ADAMTSL3: variants seen among roughly 807,000 people sequenced by gnomAD.
ADAMTSL3 encodes ADAMTS-like protein 3.
A neutral mutation model predicts 201.7 loss-of-function variants in ADAMTSL3; 128 were observed. That is an observed-to-expected ratio of 0.63 (90% CI 0.55 to 0.73). The LOEUF (loss-of-function observed/expected upper bound fraction) is 0.73, where lower values mean the gene tolerates loss of function less well. ADAMTSL3 is among the 30% of genes least tolerant of loss of function. The probability of loss-of-function intolerance (pLI) is 0.00; values close to 1 mark genes in which losing one functional copy is unlikely to be tolerated. For missense variants in ADAMTSL3, 1,990 were observed against 2,119.6 expected (o/e 0.94, Z 1.20); for synonymous variants, 738 against 748.4 (o/e 0.99, Z 0.23).
intron 7 of ADAMTSL3, among the ~76,000 whole-genome samples, chr15:83,856,784 G>A (rs923078920): frequency 2.6e-5 from 4 of 152,142 alleles, no homozygotes; most frequent in Admixed American, 2.6e-4. Context: ...ATGTACCAAT[G>A]TCTGTTTGTG....
At position 83,965,814 on chromosome 15, in the gene ADAMTSL3, G is replaced by A. The variant is rs372491141; in HGVS notation, c.2491-4670G>A. Among the ~76,000 whole-genome samples, 10 of 152,000 alleles carry A rather than the reference G, an allele frequency of 6.6e-5. No homozygotes were observed. In the East Asian group the frequency reaches 7.7e-4, roughly 12 times the overall value. On this transcript the variant is annotated intron_variant, in intron 19 of 29. Transcript: ENST00000286744. ...CACTCCTCAGCAAATACAAAAGAGT[G>A]GAAATTTTAACAAACAGTCTCTCAG...
At chr15:83,890,415 A>G (rs1357012295) in intron 11 of ADAMTSL3, among the ~76,000 whole-genome samples, 168 bp downstream of exon 11, 2 of 152,232 alleles carry the variant, frequency 1.3e-5, no homozygotes, top group African/African-American at 2.4e-5. Flanking sequence ...ATTAGGACAC[A>G]TTCATTAGGA....
At chr15:83,753,510 A>G (rs899016011) in intron 3 of ADAMTSL3, among the ~76,000 whole-genome samples, 4 of 152,302 alleles carry the variant, frequency 2.6e-5, no homozygotes, top group African/African-American at 9.6e-5. Flanking sequence ...TGCCCCTAAA[A>G]TGTGGTCTGG....
At chr15:83,859,186 T>C (rs2064804609) in intron 8 of ADAMTSL3, among the ~76,000 whole-genome samples, 1 of 152,220 alleles carries the variant, frequency 6.6e-6, no homozygotes, top group South Asian at 2.1e-4. Context: ...TACTGGAGGC[T>C]ACGCACTGGT....
chr15:83,713,026 G>A lies in ADAMTSL3; in HGVS notation c.189+8518G>A, dbSNP rs950949184. 3.3e-5 allele frequency among the ~76,000 whole-genome samples: 5 copies of A among 152,002 alleles called. 1 individual carries two copies. The highest frequency in any genetic ancestry group is 7.4e-5 in the Non-Finnish European group (5 of 68,014). ...TCTCTTATCTCTCTACTTCTCCCAG[G>A]TGATCAGCCACCTTTCAGCATCTCT... On this transcript the variant is annotated intron_variant, in intron 3 of 29. Transcript: ENST00000286744.
intron 2 of ADAMTSL3, among the ~76,000 whole-genome samples, chr15:83,678,832 AT>A (rs1201526611): frequency 1.4e-5 from 2 of 145,440 alleles, no homozygotes; most frequent in African/African-American, 5.0e-5. Flanking sequence ...ATAAATATAT[AT>A]AAATATATAT....
chr15:83,813,708 C>G (rs906886279), intron 5 of ADAMTSL3, among the ~76,000 whole-genome samples: 1 of 152,146 alleles, frequency 6.6e-6, no homozygotes, highest in African/African-American at 2.4e-5. Flanking sequence ...ACAGAACATG[C>G]CTGGGTACAG....
rs535146382 is a variant in ADAMTSL3, at chr15:83,860,773, A to G, written c.802+1933A>G. 1.6e-4 allele frequency among the ~76,000 whole-genome samples: 24 copies of G among 152,258 alleles called. No homozygotes were observed. In the South Asian group the frequency reaches 4.6e-3, roughly 29 times the overall value. On this transcript the variant is annotated intron_variant, in intron 8 of 29. Coordinates refer to ENST00000286744, the MANE Select transcript of ADAMTSL3 (RefSeq NM_207517.3). ...AAGACGGGTGATTTCTGCATTTCCA[A>G]CTGAGGTACCGGGTTCCTCTCTCTG...
chr15:83,922,560 T>C (rs2141986511), intron 16 of ADAMTSL3, among the ~76,000 whole-genome samples: 1 of 152,320 alleles, frequency 6.6e-6, no homozygotes, highest in African/African-American at 2.4e-5. Context: ...TATTTGCAAA[T>C]AAAACCTAGA....
intron 8 of ADAMTSL3, among the ~76,000 whole-genome samples, chr15:83,866,081 A>G (rs374482359): frequency 6.6e-6 from 1 of 152,258 alleles, no homozygotes; most frequent in Non-Finnish European, 1.5e-5. Context: ...ACCAGTTAGA[A>G]TGGTGATCAT....
rs753384398 is a variant in ADAMTSL3 at position 83,898,003 on chromosome 15, A to G, written c.1613A>G (p.Lys538Arg). 42 of 1,612,806 alleles carry G rather than the reference A, an allele frequency of 2.6e-5. No individual in the cohort carries two copies. Among genetic ancestry groups the G allele is most frequent in the Non-Finnish European group, 3.5e-5 (41 of 1,179,314 alleles). Reference protein sequence around the residue: ...CVIPIPCYKPKEKSPVEAKLP... With the variant: ...CVIPIPCYKPREKSPVEAKLP... ...ATTCCCATCCCGTGTTATAAACCAA[A>G]AGGTAAGTCTGTGGTGCACTGTAAA... Residue 538 changes from lysine to arginine, a missense_variant and splice_region_variant, in exon 14 of 30, where the codon AAA becomes AGA. Coordinates refer to ENST00000286744, the MANE Select transcript of ADAMTSL3 (RefSeq NM_207517.3).
At chr15:83,829,305 T>A (rs181024025) in intron 6 of ADAMTSL3, among the ~76,000 whole-genome samples, 2,066 of 152,344 alleles carry the variant, frequency 0.014, 24 homozygotes, top group South Asian at 0.024. Flanking sequence ...TTTTCTAGTT[T>A]ATTTGCGTAG....
chr15:83,842,078 T>G (rs1448740411), intron 7 of ADAMTSL3, among the ~76,000 whole-genome samples: 1 of 151,142 alleles, frequency 6.6e-6, no homozygotes, highest in Non-Finnish European at 1.5e-5. Context: ...CCCATCCATC[T>G]ACTGAGAGCT....
At chr15:83,855,373 A>G (rs1291166112) in intron 7 of ADAMTSL3, among the ~76,000 whole-genome samples, 2 of 152,190 alleles carry the variant, frequency 1.3e-5, no homozygotes, top group East Asian at 3.8e-4. Flanking sequence ...AATGTTATAT[A>G]AGTATCTCTG....
At chr15:83,929,709 C>CAG (rs1437256752) in intron 17 of ADAMTSL3, among the ~76,000 whole-genome samples, 1 of 145,222 alleles carries the variant, frequency 6.9e-6, no homozygotes, top group Non-Finnish European at 1.5e-5. Context: ...CAGAGAGAGA[C>CAG]AGAGAGAGAC....
chr15:83,663,491 G>A (rs1310354079), intron 2 of ADAMTSL3, among the ~76,000 whole-genome samples: 3 of 152,216 alleles, frequency 2.0e-5, no homozygotes, highest in Non-Finnish European at 4.4e-5. Flanking sequence ...CACCTGAAAT[G>A]AACATCTCAT....
intron 7 of ADAMTSL3, among the ~76,000 whole-genome samples, chr15:83,847,618 C>A (rs562767858): frequency 6.6e-6 from 1 of 151,988 alleles, no homozygotes; most frequent in South Asian, 2.1e-4. Flanking sequence ...GCCTCAGCCT[C>A]CTGAATAGCT....
intron 16 of ADAMTSL3, among the ~76,000 whole-genome samples, chr15:83,914,167 A>G (rs1043992086): frequency 6.6e-6 from 1 of 152,152 alleles, no homozygotes; most frequent in Non-Finnish European, 1.5e-5. Flanking sequence ...GCCAGCTGCT[A>G]TGTAAAGAGC....
At chr15:83,882,264 C>A (rs1012711670) in intron 9 of ADAMTSL3, among the ~76,000 whole-genome samples, 3 of 152,152 alleles carry the variant, frequency 2.0e-5, no homozygotes, top group Non-Finnish European at 2.9e-5. Flanking sequence ...AGCAGTCCTG[C>A]CACAGCCAGA....
Sources: gnomAD v4.1 joint callset for allele counts (sites outside exome capture counted in the v4.1 genomes callset) on GRCh38, gnomAD v4.1.1 for gene constraint, MANE v1.5 for transcripts, NCBI Gene and HGNC (gene_info 2026-07-23, HGNC 2026-07-21) for gene names.